Variants in CD44 observed in about 807,000 individuals in gnomAD.
CD44 encodes the protein CD44 molecule (IN blood group).
In CD44, 49 loss-of-function variants were observed where a neutral mutation model predicts 88.8. The ratio of observed to expected loss-of-function variants is 0.55; its 90% CI spans 0.44 to 0.70. The LOEUF is 0.70. CD44 is among the 30% of genes least tolerant of loss of function. The pLI, the probability that CD44 is intolerant of heterozygous loss-of-function variation, is 0.00. For synonymous variants in CD44, 325 were observed against 312.3 expected (o/e 1.04, Z -0.43); for missense variants, 883 against 913.8 (o/e 0.97, Z 0.43).
intron 7 of CD44, among the ~76,000 whole-genome samples, chr11:35,199,828 G>A (rs1947116799): frequency 6.6e-6 from 1 of 151,568 alleles, no homozygotes. Flanking sequence ...GTAAATACGT[G>A]GTCTTGATAC....
chr11:35,204,865 A>G (rs1308060029), intron 10 of CD44: 3 of 458,616 alleles, frequency 6.5e-6, no homozygotes, highest in Non-Finnish European at 1.2e-5. Context: ...CAGGAAACAC[A>G]GAGAAAATGC....
chr11:35,181,937 T>TATATATTATATATTATATATAAA (rs1565081096), intron 3 of CD44, among the ~76,000 whole-genome samples: 1 of 66,904 alleles, frequency 1.5e-5, no homozygotes, highest in African/African-American at 6.2e-5. Flanking sequence ...TATATATAAA[T>TATATATTATATATTATATATAAA]TATATATAAT....
rs575708803 is a variant in CD44 at position 35,192,180 on chromosome 11, A to C, written c.667+2115A>C. On this transcript the variant is annotated intron_variant, in intron 5 of 17. Transcript: ENST00000428726. ...TTAAGTTTCCTTCAGCAGCTAAAAA[A>C]GAAAGAGACTAATGAGTCTACCAAA... 4.6e-5 allele frequency among the ~76,000 whole-genome samples: 7 copies of C among 152,382 alleles called. No homozygotes were observed. The South Asian group carries it at 1.2e-3, about 27-fold the overall frequency.
intron 5 of CD44, 84 bp from the exon 6 acceptor site, chr11:35,196,661 TA>T (rs1400846111): frequency 7.2e-7 from 1 of 1,395,680 alleles, no homozygotes; most frequent in Non-Finnish European, 9.9e-7. Flanking sequence ...TCTTGAGTAG[TA>T]AAAGAGTACA....
chr11:35,195,469 A>G (rs1456071873), intron 5 of CD44, among the ~76,000 whole-genome samples: 1 of 152,242 alleles, frequency 6.6e-6, no homozygotes. Context: ...CTATTTTTAA[A>G]TGTTGACAAT....
intron 3 of CD44, among the ~76,000 whole-genome samples, chr11:35,182,685 G>A (rs1033294254): frequency 6.6e-6 from 1 of 152,206 alleles, no homozygotes; most frequent in Admixed American, 6.5e-5. Flanking sequence ...AGGTCAGAGG[G>A]AGACATTGGG....
chr11:35,167,182 A>AT, intron 1 of CD44, among the ~76,000 whole-genome samples: 1 of 152,356 alleles, frequency 6.6e-6, no homozygotes, highest in East Asian at 1.9e-4. Context: ...CAGACCTCTT[A>AT]TGAAAGATAG....
chr11:35,172,701 C>T (rs1391353028), intron 1 of CD44, among the ~76,000 whole-genome samples: 1 of 152,072 alleles, frequency 6.6e-6, no homozygotes, highest in Non-Finnish European at 1.5e-5. Flanking sequence ...TAAGCTTCAC[C>T]AAAAATTTTG....
At chr11:35,186,709 C>T (rs537037961) in intron 3 of CD44, 123 bp from the exon 4 acceptor site, 15 of 600,792 alleles carry the variant, frequency 2.5e-5, no homozygotes, top group Middle Eastern at 2.7e-4. Flanking sequence ...TTAGGAGTTT[C>T]GGAAAAAGAA....
chr11:35,146,373 C>T (rs766453722), intron 1 of CD44, among the ~76,000 whole-genome samples: 3 of 152,204 alleles, frequency 2.0e-5, no homozygotes, highest in African/African-American at 4.8e-5. Context: ...AAGTCTCCTT[C>T]GCAGTGCCTG....
At chr11:35,207,616 T>G (rs1481959888) in intron 11 of CD44, among the ~76,000 whole-genome samples, 1 of 152,224 alleles carries the variant, frequency 6.6e-6, no homozygotes, top group Non-Finnish European at 1.5e-5. Flanking sequence ...CTAGGTGGTC[T>G]TGGATGACGA....
Position 35,140,978 on chromosome 11 carries a change from G to A in CD44, c.67+1608G>A, listed in dbSNP as rs1324617292. On this transcript the variant is annotated intron_variant, in intron 1 of 17. Coordinates refer to ENST00000428726, the MANE Select transcript of CD44 (RefSeq NM_000610.4). ...GAAGGTTGCAGTGAACCAAGATTAT[G>A]CCATTGCACTCCAGCCTGGGTGACA... Among the ~76,000 whole-genome samples, 6 of 149,762 alleles carry A rather than the reference G, an allele frequency of 4.0e-5. No homozygotes were observed. In the South Asian group the frequency reaches 1.3e-3, roughly 33 times the overall value.
At chr11:35,171,173 A>T (rs1943838252) in intron 1 of CD44, among the ~76,000 whole-genome samples, 1 of 152,220 alleles carries the variant, frequency 6.6e-6, no homozygotes, top group African/African-American at 2.4e-5. Context: ...GTTAGTATCA[A>T]GGAAACCTGA....
At chr11:35,174,030 A>T (rs1317485176) in intron 1 of CD44, among the ~76,000 whole-genome samples, 1 of 152,076 alleles carries the variant, frequency 6.6e-6, no homozygotes, top group Non-Finnish European at 1.5e-5. Context: ...CATAAAACTC[A>T]CCTTTCAGGT....
chr11:35,157,418 CTCTA>C (rs1035516053), intron 1 of CD44, among the ~76,000 whole-genome samples: 13 of 152,076 alleles, frequency 8.5e-5, no homozygotes, highest in East Asian at 1.9e-4. Context: ...ATATATCTAT[CTCTA>C]TCTATTAATT....
At chr11:35,222,597 T>A (rs957317273) in intron 17 of CD44, 6 of 634,530 alleles carry the variant, frequency 9.5e-6, no homozygotes, top group Middle Eastern at 7.9e-4. Flanking sequence ...ATTTTATATA[T>A]AATATATATA....
intron 1 of CD44, among the ~76,000 whole-genome samples, chr11:35,172,594 T>C (rs1263960766): frequency 1.3e-5 from 2 of 152,216 alleles, no homozygotes; most frequent in African/African-American, 4.8e-5. Context: ...TTGTCCCTTC[T>C]TCAAACAAGT....
chr11:35,222,598 A>ATAAT (rs373679880), intron 17 of CD44: 5 of 545,920 alleles, frequency 9.2e-6, no homozygotes, highest in African/African-American at 8.5e-5. Flanking sequence ...TTTTATATAT[A>ATAAT]ATATATATAT....
Position 35,229,568 on chromosome 11 carries a change from T to A in CD44, c.*235T>A. On this transcript the variant is annotated 3_prime_UTR_variant, in exon 18 of 18. Coordinates refer to ENST00000428726, the MANE Select transcript of CD44 (RefSeq NM_000610.4). Reference sequence around the variant, plus strand: ...CAATTAATAATCAGCAAGAATTTGATCGTTCCAGTTCCCACTTGGAGGCCT... The same window carrying A: ...CAATTAATAATCAGCAAGAATTTGAACGTTCCAGTTCCCACTTGGAGGCCT... The A allele has an allele frequency of 2.0e-6, 1 of 510,264 alleles. No individual in the cohort carries two copies. Among genetic ancestry groups the A allele is most frequent in the Non-Finnish European group, 3.5e-6 (1 of 285,280 alleles). 31.6% of individuals were successfully genotyped at this position (510,264 alleles called of 1,614,324 possible). A position where few individuals can be genotyped will look rare whatever the true frequency, so the allele number is the denominator to read the frequency against.
Sources: gnomAD v4.1 joint callset for allele counts (sites outside exome capture counted in the v4.1 genomes callset) on GRCh38, gnomAD v4.1.1 for gene constraint, MANE v1.5 for transcripts, NCBI Gene and HGNC (gene_info 2026-07-23, HGNC 2026-07-21) for gene names.